The following LCOR variants were observed in gnomAD, a reference collection of about 807,000 sequenced individuals.
LCOR encodes ligand dependent nuclear receptor corepressor.
A neutral mutation model predicts 64.4 loss-of-function variants in LCOR; 14 were observed. The observed-to-expected ratio is 0.22, with a 90% CI of 0.14 to 0.34. The LOEUF (loss-of-function observed/expected upper bound fraction) is 0.34. Ranked by LOEUF, LCOR falls within the 10% of genes least tolerant of loss-of-function variation. The probability of loss-of-function intolerance (pLI) is 1.00; values close to 1 mark genes in which losing one functional copy is unlikely to be tolerated. For missense variants in LCOR, 1,686 were observed against 1,765.3 expected, an observed-to-expected ratio of 0.96 and a Z score of 0.80; for synonymous variants, 643 against 642.5, an observed-to-expected ratio of 1.00 and a Z score of -0.01.
chr10:96,944,236 T>C lies in LCOR; in HGVS notation c.-60T>C. The C allele has an allele frequency of 1.0e-6, 1 of 985,752 alleles. No individual in the cohort carries two copies. Among genetic ancestry groups the C allele is most frequent in the Non-Finnish European group, 1.2e-6 (1 of 829,884 alleles). 61.1% of individuals were successfully genotyped at this position (985,752 alleles called of 1,614,324 possible). ...AGAAGAATTCCTCAATGCAGTCTTT[T>C]ATAGAAAAGGTTGGTTTCAGTGAAG... is the stretch of plus-strand genomic sequence containing the variant. On this transcript the variant is annotated 5_prime_UTR_variant, in exon 5 of 8. Transcript: ENST00000421806.
Position 96,992,119 on chromosome 10 carries a change from C to G in LCOR, c.*6985C>G, listed in dbSNP as rs545847099. 2 of 152,000 alleles carry G rather than the reference C, an allele frequency of 1.3e-5. No homozygotes were observed. The highest frequency in any genetic ancestry group is 2.9e-5 in the Non-Finnish European group (2 of 68,018). 9.4% of individuals were successfully genotyped at this position (152,000 alleles called of 1,614,324 possible). ...ATTTGCATAATTTTTTATATTTATA[C>G]CACAGGTAGGGATTATTTTTAGAGT... On this transcript the variant is annotated 3_prime_UTR_variant, in exon 8 of 8. Coordinates refer to ENST00000421806, the MANE Select transcript of LCOR (RefSeq NM_001346516.2).
chr10:96,834,383 GAAAC>G (rs538184942), intron 2 of LCOR, among the ~76,000 whole-genome samples: 10 of 152,128 alleles, frequency 6.6e-5, no homozygotes, highest in Admixed American at 3.3e-4. Flanking sequence ...TGCCCTCCAG[GAAAC>G]AAACAGCCTT....
At chr10:96,951,258 C>T (rs1387436561) in intron 6 of LCOR, among the ~76,000 whole-genome samples, 1 of 152,098 alleles carries the variant, frequency 6.6e-6, no homozygotes, top group African/African-American at 2.4e-5. Flanking sequence ...AGAAAGTCTT[C>T]TAATTTTATA....
intron 2 of LCOR, among the ~76,000 whole-genome samples, chr10:96,883,609 A>G (rs1846297883): frequency 6.6e-6 from 1 of 152,178 alleles, no homozygotes; most frequent in Non-Finnish European, 1.5e-5. Flanking sequence ...TATAATGTTG[A>G]ACTTTCATAT....
intron 7 of LCOR, among the ~76,000 whole-genome samples, chr10:96,977,793 C>A (rs1416224830): frequency 6.6e-6 from 1 of 152,170 alleles, no homozygotes; most frequent in African/African-American, 2.4e-5. Context: ...TACCTTAAGT[C>A]TCCCAGGTAG....
chr10:96,856,485 C>T (rs2134386048), intron 2 of LCOR, among the ~76,000 whole-genome samples: 1 of 150,564 alleles, frequency 6.6e-6, no homozygotes, highest in African/African-American at 2.4e-5. Flanking sequence ...CCCTGCCTTC[C>T]TTCCTTTATT....
In LCOR at chr10:96,992,980, C is replaced by T. The variant is rs1201151618; in HGVS notation, c.*7846C>T. 6.6e-6 allele frequency: 1 copy of T among 152,250 alleles called. No individual in the cohort carries two copies. 9.4% of individuals were successfully genotyped at this position (152,250 alleles called of 1,614,324 possible). A position where few individuals can be genotyped will look rare whatever the true frequency, so the allele number is the denominator to read the frequency against. ...TGCATCTGTGCAGATGTGGGCCAGTCCCCCTGTAACCAGTGGTTACAGAAT... is the reference window on the plus strand; with the variant it reads ...TGCATCTGTGCAGATGTGGGCCAGTTCCCCTGTAACCAGTGGTTACAGAAT... On this transcript the variant is annotated 3_prime_UTR_variant, in exon 8 of 8. Transcript: ENST00000421806.
chr10:96,875,824 C>T (rs1052361285), intron 2 of LCOR, among the ~76,000 whole-genome samples: 7 of 151,978 alleles, frequency 4.6e-5, no homozygotes, highest in African/African-American at 1.7e-4. Flanking sequence ...TGTGTTTGCA[C>T]CACTGCACTC....
At chr10:96,833,838 T>G (rs1171939402) in intron 2 of LCOR, among the ~76,000 whole-genome samples, 1 of 152,110 alleles carries the variant, frequency 6.6e-6, no homozygotes, top group African/African-American at 2.4e-5. Context: ...GGCAATTTCA[T>G]GCGGTGAGAA....
chr10:96,844,173 CAG>C (rs1020858825), intron 2 of LCOR, among the ~76,000 whole-genome samples: 5 of 142,900 alleles, frequency 3.5e-5, no homozygotes, highest in African/African-American at 1.1e-4. Context: ...CACCCCAAGA[CAG>C]GGGTCACTGT....
intron 5 of LCOR, among the ~76,000 whole-genome samples, chr10:96,946,086 A>T (rs1405939605): frequency 6.6e-6 from 1 of 152,058 alleles, no homozygotes; most frequent in East Asian, 1.9e-4. Flanking sequence ...TCAGAGAAAG[A>T]ACTGTTCCTT....
chr10:96,885,448 C>T (rs1246614916), intron 2 of LCOR, among the ~76,000 whole-genome samples: 1 of 152,008 alleles, frequency 6.6e-6, no homozygotes, highest in Non-Finnish European at 1.5e-5. Context: ...GTGGCATGAT[C>T]ACGGCTCACT....
At chr10:96,936,386 G>C (rs1037219285) in intron 4 of LCOR, among the ~76,000 whole-genome samples, 1 of 152,180 alleles carries the variant, frequency 6.6e-6, no homozygotes, top group Non-Finnish European at 1.5e-5. Context: ...AAATAATAAA[G>C]ATGCGAGAGC....
In LCOR at chr10:96,838,246, A is replaced by G. The variant is rs149833218; in HGVS notation, c.-330+4767A>G. On this transcript the variant is annotated intron_variant, in intron 2 of 7. Transcript: ENST00000421806. Reference sequence around the variant, plus strand: ...AGTGGGTTTCAGTTATTTCAAATACAAGGTTGTACATATATCATCACTGTC... The same window carrying G: ...AGTGGGTTTCAGTTATTTCAAATACGAGGTTGTACATATATCATCACTGTC... Among the ~76,000 whole-genome samples the G allele has an allele frequency of 2.0e-3, 303 of 152,296 alleles. 2 individuals carry two copies. Among genetic ancestry groups the G allele is most frequent in the African/African-American group, 4.9e-3 (203 of 41,544 alleles).
chr10:96,871,183 A>G (rs1846066010), intron 2 of LCOR, among the ~76,000 whole-genome samples: 1 of 151,208 alleles, frequency 6.6e-6, no homozygotes, highest in Admixed American at 6.6e-5. Context: ...TAGCCTCTCA[A>G]GTAGCTAGGC....
At chr10:96,865,541 G>C (rs150210445) in intron 2 of LCOR, among the ~76,000 whole-genome samples, 163 of 133,996 alleles carry the variant, frequency 1.2e-3, no homozygotes, top group African/African-American at 4.0e-3. Flanking sequence ...AGTTATGACA[G>C]TTGTATACAC....
At chr10:96,934,326 C>A (rs969148582) in intron 4 of LCOR, among the ~76,000 whole-genome samples, 11 of 152,102 alleles carry the variant, frequency 7.2e-5, no homozygotes, top group Non-Finnish European at 1.5e-4. Context: ...GTAACAAATG[C>A]CTTAATTCTT....
chr10:96,941,070 CCCGCCTCCCT>C (rs1847455645), intron 4 of LCOR, among the ~76,000 whole-genome samples: 1 of 81,004 alleles, frequency 1.2e-5, no homozygotes, highest in Non-Finnish European at 2.6e-5. Flanking sequence ...CGACCCCCCC[CCCGCCTCCCT>C]CCCGGACGGG....
intron 2 of LCOR, among the ~76,000 whole-genome samples, chr10:96,847,176 C>G (rs1030491532): frequency 2.6e-5 from 4 of 151,978 alleles, no homozygotes; most frequent in Admixed American, 6.6e-5. Flanking sequence ...CCTGGGAGGT[C>G]AAGCCTGCAG....
Sources: allele counts gnomAD v4.1 joint callset (sites outside exome capture counted in the v4.1 genomes callset), GRCh38; gene constraint gnomAD v4.1.1; transcripts MANE v1.5; gene names NCBI Gene and HGNC (gene_info 2026-07-23, HGNC 2026-07-21).